OPHN1: variants seen among roughly 807,000 people sequenced by gnomAD.
OPHN1 encodes the protein oligophrenin 1.
OPHN1 carries 11 observed loss-of-function variants against 60.7 expected under a neutral mutation model. That is an observed-to-expected ratio of 0.18 (90% CI 0.11 to 0.30). The LOEUF is 0.30. Ranked by LOEUF, OPHN1 falls within the 10% of genes least tolerant of loss-of-function variation. The pLI, the probability that OPHN1 is intolerant of heterozygous loss-of-function variation, is 1.00. For synonymous variants in OPHN1, 226 were observed against 222.6 expected (o/e 1.02, Z -0.14); for missense variants, 449 against 611.0 (o/e 0.73, Z 2.80).
At chrX:68,084,837 G>C (rs1319916270) in intron 19 of OPHN1, among the ~76,000 whole-genome samples, 1 of 111,997 alleles carries the variant, frequency 8.9e-6, no homozygotes, top group Admixed American at 9.4e-5. Context: ...GCTCAGAGAA[G>C]GTGCTTGGTA....
intron 15 of OPHN1, among the ~76,000 whole-genome samples, chrX:68,168,654 A>C (rs186409119): frequency 0.13 from 14,668 of 111,621 alleles, 834 homozygotes; most frequent in African/African-American, 0.2. Flanking sequence ...AACTAAAATC[A>C]GAGCAGAACT....
intron 5 of OPHN1, among the ~76,000 whole-genome samples, chrX:68,272,530 T>C (rs766758755): frequency 2.0e-3 from 229 of 112,548 alleles, no homozygotes; most frequent in Non-Finnish European, 2.5e-3. Flanking sequence ...GTATGCTTTA[T>C]ATGTTTAGAT....
intron 2 of OPHN1, among the ~76,000 whole-genome samples, chrX:68,427,299 TTC>T (rs1286785482): frequency 1.8e-5 from 2 of 109,693 alleles, no homozygotes; most frequent in East Asian, 5.6e-4. Flanking sequence ...CAACAAAAAA[TTC>T]TGTTTTAATT....
intron 6 of OPHN1, among the ~76,000 whole-genome samples, chrX:68,217,971 A>T (rs2077624447): frequency 2.0e-5 from 2 of 101,574 alleles, no homozygotes; most frequent in South Asian, 1.1e-3. Context: ...TCAGATGATC[A>T]AATTACTCTG....
At chrX:68,362,931 T>C (rs2078480540) in intron 2 of OPHN1, among the ~76,000 whole-genome samples, 1 of 111,359 alleles carries the variant, frequency 9.0e-6, no homozygotes, top group Non-Finnish European at 1.9e-5. Flanking sequence ...TCAATTTTTC[T>C]GTGAAACTGA....
At chrX:68,248,097 G>A (rs1055371764) in intron 5 of OPHN1, among the ~76,000 whole-genome samples, 1 of 110,971 alleles carries the variant, frequency 9.0e-6, no homozygotes, top group African/African-American at 3.3e-5. Flanking sequence ...AAAGGACACT[G>A]AGGAGATAGA....
rs1363679946 is a variant in OPHN1 at position 68,071,712 on chromosome X, A to C, written c.1834+1440T>G. On this transcript the variant is annotated intron_variant, in intron 20 of 24. Coordinates refer to ENST00000355520, the MANE Select transcript of OPHN1 (RefSeq NM_002547.3). The stretch of plus-strand genomic sequence containing the variant: ...AACATTGAAGTCCACTCTCATAATG[A>C]CCCGCTGCCCTTTGACGTCTGGTTT... The C allele has an allele frequency of 1.4e-5, 7 of 505,932 alleles. No homozygotes were observed. The Admixed American group carries it at 1.8e-4, about 13-fold the overall frequency. 41.7% of individuals were successfully genotyped at this position (505,932 alleles called of 1,213,427 possible).
intron 19 of OPHN1, among the ~76,000 whole-genome samples, chrX:68,076,224 A>C (rs1228183475): frequency 9.0e-6 from 1 of 111,214 alleles, no homozygotes; most frequent in Admixed American, 9.6e-5. Context: ...AAAAAGTTCA[A>C]CATCATTAAG....
At chrX:68,210,768 T>C (rs965321192) in intron 8 of OPHN1, among the ~76,000 whole-genome samples, 7 of 112,195 alleles carry the variant, frequency 6.2e-5, no homozygotes, top group African/African-American at 2.3e-4. Flanking sequence ...ACAGTAGCTA[T>C]GTTTTCATAC....
chrX:68,212,066 G>A lies in OPHN1; in HGVS notation c.702+42C>T, dbSNP rs374238261. ...AGGTCGCTAGGGCTGAAATTCAATC[G>A]GAATGGAAAGACCGGTGAGAAAAAT... On this transcript the variant is annotated intron_variant, in intron 8 of 24. Transcript: ENST00000355520. 1.9e-4 allele frequency: 185 copies of A among 969,466 alleles called. No individual in the cohort carries two copies. In the African/African-American group the frequency reaches 2.3e-3, roughly 12 times the overall value. The allele number at this position is 969,466 out of a possible 1,213,427, so 79.9% of individuals were successfully genotyped here.
intron 5 of OPHN1, among the ~76,000 whole-genome samples, chrX:68,243,887 A>G (rs1162825945): frequency 8.9e-6 from 1 of 112,487 alleles, no homozygotes; most frequent in Non-Finnish European, 1.9e-5. Flanking sequence ...CTGATGAAAT[A>G]TATGCATGTA....
At chrX:68,198,909 G>A (rs1408063990) in intron 11 of OPHN1, among the ~76,000 whole-genome samples, 7 of 111,325 alleles carry the variant, frequency 6.3e-5, no homozygotes, top group Admixed American at 4.8e-4. Flanking sequence ...CAGTCTTGTG[G>A]TTACTGGCAA....
intron 2 of OPHN1, among the ~76,000 whole-genome samples, chrX:68,325,087 C>T (rs1317987636): frequency 9.0e-6 from 1 of 110,565 alleles, no homozygotes; most frequent in East Asian, 2.8e-4. Flanking sequence ...ATACAAATGA[C>T]CCCTGATAGT....
At chrX:68,340,939 G>A (rs893519221) in intron 2 of OPHN1, among the ~76,000 whole-genome samples, 2 of 106,946 alleles carry the variant, frequency 1.9e-5, no homozygotes, top group Non-Finnish European at 3.9e-5. Flanking sequence ...CCGGGAGGTG[G>A]AGGTTGCAGC....
intron 15 of OPHN1, among the ~76,000 whole-genome samples, chrX:68,120,332 C>A (rs1169229991): frequency 2.7e-5 from 3 of 111,522 alleles, no homozygotes; most frequent in Non-Finnish European, 5.7e-5. Context: ...CTCTATCAGT[C>A]GCATTTCTAC....
At chrX:68,120,005 T>G (rs2077144002) in intron 15 of OPHN1, among the ~76,000 whole-genome samples, 1 of 111,475 alleles carries the variant, frequency 9.0e-6, no homozygotes, top group African/African-American at 3.3e-5. Flanking sequence ...TATCAGAACC[T>G]AAGCGAACGA....
At chrX:68,179,734 A>C (rs1383120316) in intron 15 of OPHN1, among the ~76,000 whole-genome samples, 1 of 111,888 alleles carries the variant, frequency 8.9e-6, no homozygotes, top group Non-Finnish European at 1.9e-5. Flanking sequence ...AATACCACAG[A>C]CTGGGTAATT....
upstream of OPHN1, chrX:68,433,520 A>T (rs2078896777): frequency 7.1e-6 from 2 of 281,146 alleles, no homozygotes; most frequent in East Asian, 1.0e-4. Flanking sequence ...GGCAACCCGG[A>T]TTGCACTGTC....
chrX:68,265,260 C>T (rs1375645964), intron 5 of OPHN1, among the ~76,000 whole-genome samples: 1 of 112,236 alleles, frequency 8.9e-6, no homozygotes, highest in African/African-American at 3.2e-5. Context: ...CCCAAGTAGC[C>T]TAACTGGGAG....
Sources: gnomAD v4.1 joint callset for allele counts (sites outside exome capture counted in the v4.1 genomes callset) on GRCh38, gnomAD v4.1.1 for gene constraint, MANE v1.5 for transcripts, NCBI Gene and HGNC (gene_info 2026-07-23, HGNC 2026-07-21) for gene names.